CACNA2D3: variants seen among roughly 807,000 people sequenced by gnomAD.
The protein encoded by CACNA2D3 is calcium voltage-gated channel auxiliary subunit alpha2delta 3, also known as voltage-dependent calcium channel subunit alpha-2/delta-3.
A neutral mutation model predicts 160.6 loss-of-function variants in CACNA2D3; 60 were observed. The ratio of observed to expected loss-of-function variants is 0.37; its 90% confidence interval spans 0.30 to 0.46. The LOEUF (loss-of-function observed/expected upper bound fraction) is 0.46, where lower values mean the gene tolerates loss of function less well. CACNA2D3 is among the 20% of genes least tolerant of loss of function. CACNA2D3 has a pLI of 1.00. For missense variants in CACNA2D3, 1,205 were observed against 1,365.0 expected (o/e 0.88, Z 1.85); for synonymous variants, 558 against 492.9 (o/e 1.13, Z -1.75).
intron 13 of CACNA2D3, among the ~76,000 whole-genome samples, chr3:54,780,917 T>C (rs1483510413): frequency 6.6e-6 from 1 of 152,214 alleles, no homozygotes; most frequent in Non-Finnish European, 1.5e-5. Context: ...AGCATGAAAT[T>C]CTCAAGAAGT....
intron 34 of CACNA2D3, among the ~76,000 whole-genome samples, chr3:55,009,915 G>T (rs539170595): frequency 6.6e-6 from 1 of 152,274 alleles, no homozygotes; most frequent in Non-Finnish European, 1.5e-5. Flanking sequence ...GACTCTTGGA[G>T]GCATGGGTTG....
intron 14 of CACNA2D3, among the ~76,000 whole-genome samples, chr3:54,824,591 A>T (rs987549444): frequency 2.0e-5 from 3 of 152,168 alleles, no homozygotes; most frequent in Non-Finnish European, 2.9e-5. Context: ...TCAGCTGGAT[A>T]TGGAGTGGAG....
chr3:54,807,818 A>G (rs1217038150), intron 13 of CACNA2D3, among the ~76,000 whole-genome samples: 12 of 151,472 alleles, frequency 7.9e-5, no homozygotes, highest in African/African-American at 4.9e-5. Context: ...ATGTCCAACA[A>G]TGATAGACTG....
intron 32 of CACNA2D3, 155 bp from the exon 33 acceptor site, chr3:55,007,635 C>T: frequency 1.7e-6 from 1 of 572,216 alleles, no homozygotes; most frequent in Non-Finnish European, 3.0e-6. Flanking sequence ...ATACAGTATC[C>T]AACAATTTTC....
intron 17 of CACNA2D3, among the ~76,000 whole-genome samples, chr3:54,863,949 C>G (rs549722303): frequency 1.3e-5 from 2 of 152,276 alleles, no homozygotes; most frequent in South Asian, 4.1e-4. Context: ...CCCTTTTTCT[C>G]TGCAGTATAT....
intron 27 of CACNA2D3, among the ~76,000 whole-genome samples, chr3:54,907,770 C>CT (rs1243423046): frequency 6.6e-6 from 1 of 152,166 alleles, no homozygotes; most frequent in African/African-American, 2.4e-5. Flanking sequence ...CACTCGTGTG[C>CT]TTTCTCTATG....
At chr3:54,804,321 C>T (rs1478034232) in intron 13 of CACNA2D3, among the ~76,000 whole-genome samples, 3 of 151,862 alleles carry the variant, frequency 2.0e-5, no homozygotes, top group Non-Finnish European at 2.9e-5. Flanking sequence ...ATCTCACATG[C>T]AGAGACACAC....
In CACNA2D3 at chr3:54,776,797, C is replaced by G. The variant is rs145768650; in HGVS notation, c.1380+12446C>G. 2.6e-3 allele frequency among the ~76,000 whole-genome samples: 389 copies of G among 152,248 alleles called. 1 individual carries two copies. Among genetic ancestry groups the G allele is most frequent in the African/African-American group, 8.9e-3 (368 of 41,556 alleles). Reference sequence around the variant, plus strand: ...GTGTCCCCACAGCCTCCCCCTGGCCCCACATCCTGGAGGATGCTGCCCTTC... The same window carrying G: ...GTGTCCCCACAGCCTCCCCCTGGCCGCACATCCTGGAGGATGCTGCCCTTC... On this transcript the variant is annotated intron_variant, in intron 13 of 37. Coordinates refer to ENST00000474759, the MANE Select transcript of CACNA2D3 (RefSeq NM_018398.3).
chr3:54,747,495 A>C (rs1701774086), intron 11 of CACNA2D3, among the ~76,000 whole-genome samples: 1 of 152,148 alleles, frequency 6.6e-6, no homozygotes, highest in Non-Finnish European at 1.5e-5. Context: ...TGCACTGTTC[A>C]TGGCCTATGC....
intron 3 of CACNA2D3, among the ~76,000 whole-genome samples, chr3:54,329,931 T>G (rs1704207456): frequency 6.6e-6 from 1 of 152,226 alleles, no homozygotes; most frequent in Non-Finnish European, 1.5e-5. Context: ...GAGGAGCAGC[T>G]GGTCCTGCAA....
intron 13 of CACNA2D3, among the ~76,000 whole-genome samples, chr3:54,777,351 G>A (rs1702443558): frequency 6.6e-6 from 1 of 152,048 alleles, no homozygotes; most frequent in African/African-American, 2.4e-5. Flanking sequence ...GGCCATTGAG[G>A]GCTCCTCCTA....
chr3:54,152,179 C>T (rs1215941558), intron 2 of CACNA2D3, among the ~76,000 whole-genome samples: 1 of 152,212 alleles, frequency 6.6e-6, no homozygotes, highest in Non-Finnish European at 1.5e-5. Context: ...AGACTGTCTG[C>T]TTCAGCTCTG....
At chr3:54,294,159 G>A (rs1263446017) in intron 2 of CACNA2D3, among the ~76,000 whole-genome samples, 1 of 152,168 alleles carries the variant, frequency 6.6e-6, no homozygotes, top group East Asian at 1.9e-4. Flanking sequence ...TTTGGGAATT[G>A]ATGAGTAAGA....
chr3:54,650,997 A>T (rs1699753164), intron 11 of CACNA2D3, among the ~76,000 whole-genome samples: 1 of 152,210 alleles, frequency 6.6e-6, no homozygotes, highest in Non-Finnish European at 1.5e-5. Flanking sequence ...AGGCATGAAG[A>T]GGCTACATTC....
At chr3:55,018,048 A>G (rs550332837) in intron 34 of CACNA2D3, among the ~76,000 whole-genome samples, 158 bp from the exon 35 acceptor site, 6 of 152,322 alleles carry the variant, frequency 3.9e-5, no homozygotes, top group African/African-American at 9.6e-5. Flanking sequence ...GGCAGATGAA[A>G]TCACTTGACT....
intron 9 of CACNA2D3, among the ~76,000 whole-genome samples, chr3:54,621,098 C>T (rs893172451): frequency 6.6e-6 from 1 of 152,180 alleles, no homozygotes; most frequent in Non-Finnish European, 1.5e-5. Context: ...CTATTAGCCT[C>T]CCCTCCAAAT....
intron 31 of CACNA2D3, among the ~76,000 whole-genome samples, chr3:54,998,081 A>G (rs1000635792): frequency 5.3e-5 from 8 of 151,296 alleles, no homozygotes; most frequent in Non-Finnish European, 1.0e-4. Flanking sequence ...AAATATGACC[A>G]TCAGAGATAA....
chr3:54,969,946 G>A (rs1279540235), intron 29 of CACNA2D3, 102 bp downstream of exon 29: 7 of 944,878 alleles, frequency 7.4e-6, no homozygotes, highest in African/African-American at 1.7e-5. Flanking sequence ...CCAGGTTGAC[G>A]CATTGTACTG....
intron 13 of CACNA2D3, among the ~76,000 whole-genome samples, chr3:54,815,075 TA>T (rs1428223887): frequency 4.6e-5 from 7 of 152,254 alleles, no homozygotes; most frequent in Non-Finnish European, 7.3e-5. Flanking sequence ...GAAGCTTTTT[TA>T]AAAGTGATTC....
Sources: allele counts gnomAD v4.1 joint callset (sites outside exome capture counted in the v4.1 genomes callset), GRCh38; gene constraint gnomAD v4.1.1; transcripts MANE v1.5; gene names NCBI Gene and HGNC (gene_info 2026-07-23, HGNC 2026-07-21).